Variants in PPA1 observed in about 807,000 individuals in gnomAD.
PPA1 encodes inorganic pyrophosphatase.
A neutral mutation model predicts 41.8 loss-of-function variants in PPA1; 23 were observed. The observed-to-expected ratio is 0.55, with a 90% confidence interval of 0.40 to 0.78. The LOEUF (loss-of-function observed/expected upper bound fraction) is 0.78. PPA1 is among the 30% of genes least tolerant of loss of function. The pLI is 0.00. For missense variants in PPA1, 320 were observed against 361.6 expected (o/e 0.89, Z 0.93); for synonymous variants, 101 against 116.8 (o/e 0.86, Z 0.87).
chr10:70,213,369 G>A (rs1840043626), intron 6 of PPA1, 94 bp downstream of exon 6: 1 of 1,432,360 alleles, frequency 7.0e-7, no homozygotes, highest in Admixed American at 1.9e-5. Context: ...TTAACAGTTT[G>A]AAGGTAAGGG....
intron 2 of PPA1, among the ~76,000 whole-genome samples, chr10:70,226,550 T>TAA (rs879372623): frequency 6.9e-6 from 1 of 145,004 alleles, no homozygotes; most frequent in Non-Finnish European, 1.5e-5. Context: ...GACCCTGTCT[T>TAA]AAAAAAAAAA....
At chr10:70,212,627 C>T (rs1215863493) in intron 6 of PPA1, among the ~76,000 whole-genome samples, 1 of 152,014 alleles carries the variant, frequency 6.6e-6, no homozygotes, top group Non-Finnish European at 1.5e-5. Context: ...ATATGAGATA[C>T]CTAGAATAGG....
intron 2 of PPA1, among the ~76,000 whole-genome samples, chr10:70,221,072 A>ATTT (rs1840159451): frequency 6.1e-5 from 1 of 16,468 alleles, no homozygotes; most frequent in African/African-American, 4.1e-4. Flanking sequence ...ATATATATAT[A>ATTT]TATATTTTTT....
intron 4 of PPA1, among the ~76,000 whole-genome samples, chr10:70,215,426 A>G (rs1840068637): frequency 6.6e-6 from 1 of 152,024 alleles, no homozygotes; most frequent in African/African-American, 2.4e-5. Flanking sequence ...AAACAGAAGT[A>G]GATAGGCAAT....
chr10:70,218,669 C>T, intron 3 of PPA1, 95 bp downstream of exon 3: 4 of 981,950 alleles, frequency 4.1e-6, no homozygotes, highest in Non-Finnish European at 6.3e-6. Flanking sequence ...CAGAGAAAAA[C>T]CTTGACGTTC....
intron 2 of PPA1, among the ~76,000 whole-genome samples, chr10:70,225,035 G>T (rs1332386044): frequency 6.6e-6 from 1 of 152,124 alleles, no homozygotes; most frequent in Non-Finnish European, 1.5e-5. Context: ...CCAGCATTGA[G>T]ATTTATTTCT....
chr10:70,219,431 G>C (rs562114462), intron 2 of PPA1, among the ~76,000 whole-genome samples: 2 of 152,112 alleles, frequency 1.3e-5, no homozygotes, highest in Non-Finnish European at 2.9e-5. Context: ...TTCAGAGACA[G>C]TTTATAAGAC....
At chr10:70,225,900 T>C (rs1840224517) in intron 2 of PPA1, among the ~76,000 whole-genome samples, 1 of 152,192 alleles carries the variant, frequency 6.6e-6, no homozygotes, top group Admixed American at 6.5e-5. Context: ...TTGTTAAAAG[T>C]ATATGGATAC....
chr10:70,215,468 T>TC (rs1564582701), intron 4 of PPA1, among the ~76,000 whole-genome samples: 3 of 151,886 alleles, frequency 2.0e-5, no homozygotes. Flanking sequence ...TTTTTCTTCT[T>TC]CCTTTTTTTT....
At position 70,220,632 on chromosome 10, in the gene PPA1, TATAA is replaced by T. The variant is rs1369788023; in HGVS notation, c.124-1819_124-1816del. 7.0e-4 allele frequency among the ~76,000 whole-genome samples: 6 copies of T among 8,584 alleles called. 1 individual carries two copies. The highest frequency in any genetic ancestry group is 1.2e-3 in the Non-Finnish European group (6 of 4,870). 5.6% of individuals were successfully genotyped at this position (8,584 alleles called of 152,430 possible). Reference sequence around the variant, plus strand: ...ATATATTATATATAATTTATATATATATAATATATATAATTTATATATATATTAT... The same window carrying T: ...ATATATTATATATAATTTATATATATTATATATAATTTATATATATATTAT... On this transcript the variant is annotated intron_variant, in intron 2 of 10. Transcript: ENST00000373232.
At position 70,233,243 on chromosome 10, in the gene PPA1, C is replaced by A; in HGVS notation, c.64+21G>T. 5 of 1,530,994 alleles carry A rather than the reference C, an allele frequency of 3.3e-6. No homozygotes were observed. In the South Asian group the frequency reaches 3.7e-5, roughly 11 times the overall value. 94.8% of individuals were successfully genotyped at this position (1,530,994 alleles called of 1,614,324 possible). ...GAATGGGCGGACGGGCGCGGAGGGGCCACGGGCCGCAGACACTCACTGAGG... is the reference window on the plus strand; with the variant it reads ...GAATGGGCGGACGGGCGCGGAGGGGACACGGGCCGCAGACACTCACTGAGG... On this transcript the variant is annotated intron_variant, in intron 1 of 10. Transcript: ENST00000373232.
At chr10:70,230,178 G>T (rs1183825177) in intron 2 of PPA1, among the ~76,000 whole-genome samples, 163 bp downstream of exon 2, 1 of 152,138 alleles carries the variant, frequency 6.6e-6, no homozygotes, top group Non-Finnish European at 1.5e-5. Flanking sequence ...CAAAGTGCTG[G>T]GATTACAGGC....
At chr10:70,218,714 G>A (rs751529718) in intron 3 of PPA1, 50 bp downstream of exon 3, 2 of 1,425,402 alleles carry the variant, frequency 1.4e-6, no homozygotes, top group African/African-American at 2.8e-5. Flanking sequence ...AGTGTGACTA[G>A]ATCAAAACCA....
rs536852328 is a variant in PPA1 at position 70,218,543 on chromosome 10, A to C, written c.177+221T>G. 39 of 515,186 alleles carry C rather than the reference A, an allele frequency of 7.6e-5. No homozygotes were observed. In the Admixed American group the frequency reaches 9.8e-4, roughly 13 times the overall value. The allele number at this position is 515,186 out of a possible 1,614,324, so 31.9% of individuals were successfully genotyped here. On this transcript the variant is annotated intron_variant, in intron 3 of 10. Transcript: ENST00000373232. ...CTAGGCTTTGGGAACATTGGAAGCA[A>C]AGATGTTGGGAAGAAAAGTTTGGGG...
chr10:70,206,944 T>A (rs12414448), intron 8 of PPA1, among the ~76,000 whole-genome samples: 46,633 of 142,370 alleles, frequency 0.33, 8,829 homozygotes, highest in East Asian at 0.58. Flanking sequence ...TAATTCTCAC[T>A]GAAATAGCTA....
intron 8 of PPA1, among the ~76,000 whole-genome samples, chr10:70,206,663 G>A (rs1272456216): frequency 6.6e-6 from 1 of 151,240 alleles, no homozygotes; most frequent in Non-Finnish European, 1.5e-5. Flanking sequence ...GGCCAACACG[G>A]TGAAACCCCA....
At chr10:70,217,759 T>C in intron 4 of PPA1, 53 bp downstream of exon 4, 1 of 1,390,194 alleles carries the variant, frequency 7.2e-7, no homozygotes, top group South Asian at 1.9e-5. Flanking sequence ...TAGCAGTAAA[T>C]TAATATTTAG....
chr10:70,217,698 A>C (rs1391424902), intron 4 of PPA1, 114 bp downstream of exon 4: 1 of 935,982 alleles, frequency 1.1e-6, no homozygotes, highest in Non-Finnish European at 1.5e-6. Flanking sequence ...TATGTTTTCA[A>C]AATCTACCAT....
rs1156429801 is a variant in PPA1, at chr10:70,230,350, A to C, written c.114T>G (p.Tyr38Ter). 24 of 1,613,388 alleles carry C rather than the reference A, an allele frequency of 1.5e-5. No individual in the cohort carries two copies. Among genetic ancestry groups the C allele is most frequent in the Non-Finnish European group, 2.0e-5 (24 of 1,179,592 alleles). Residue 38 changes from tyrosine (Y) to a stop codon, truncating the protein, a stop_gained, in exon 2 of 11, where the codon TAT (tyrosine) becomes TAG (stop). Coordinates refer to ENST00000373232, the MANE Select transcript of PPA1 (RefSeq NM_021129.4). LOFTEE classifies it high-confidence loss of function. Reference sequence around the variant, plus strand: ...AACAAGGATGCCTTACCTTATCTGCATAAATTGGAATATCATGAAATGGAG... The same window carrying C: ...AACAAGGATGCCTTACCTTATCTGCCTAAATTGGAATATCATGAAATGGAG... Reference protein sequence around the residue: ...YISPFHDIPIYADKDVFHMVV... With the variant: ...YISPFHDIPI
Sources: gnomAD v4.1 joint callset for allele counts (sites outside exome capture counted in the v4.1 genomes callset) on GRCh38, gnomAD v4.1.1 for gene constraint, MANE v1.5 for transcripts, NCBI Gene and HGNC (gene_info 2026-07-23, HGNC 2026-07-21) for gene names.